RNF111: variants seen among roughly 807,000 people sequenced by gnomAD.
RNF111 encodes the protein E3 ubiquitin-protein ligase Arkadia.
RNF111 carries 17 observed loss-of-function variants against 95.1 expected under a neutral mutation model. The ratio of observed to expected loss-of-function variants is 0.18; its 90% CI spans 0.12 to 0.27. The LOEUF is 0.27. Among genes scored for constraint, RNF111 ranks in the 10% least tolerant of loss-of-function variants. RNF111 has a pLI of 1.00. For synonymous variants in RNF111, 440 were observed against 414.8 expected (o/e 1.06, Z -0.74); for missense variants, 1,189 against 1,210.4 (o/e 0.98, Z 0.26).
chr15:59,081,380 T>C, intron 8 of RNF111, 96 bp downstream of exon 8: 1 of 1,072,034 alleles, frequency 9.3e-7, no homozygotes, highest in Non-Finnish European at 1.3e-6. Flanking sequence ...CATGGTGGCA[T>C]GCACTTGTAG....
At chr15:58,988,353 T>A (rs2141326899) in intron 1 of RNF111, 1 of 152,332 alleles carries the variant, frequency 6.6e-6, no homozygotes, top group East Asian at 1.9e-4. Context: ...AGTCTCAGGA[T>A]GGGGGCTGAG....
rs1450722997 is a variant in RNF111, at chr15:59,051,375, G to A, written c.881-930G>A. Among the ~76,000 whole-genome samples the A allele has an allele frequency of 2.6e-5, 4 of 150,990 alleles. No homozygotes were observed. The East Asian group carries it at 7.8e-4, about 29-fold the overall frequency. On this transcript the variant is annotated intron_variant, in intron 2 of 13. Transcript: ENST00000348370. The stretch of plus-strand genomic sequence containing the variant: ...CGGGAGGCTGAGGCAGGAGAACAGT[G>A]TGAACCCAGGAGGCGGAGCTTGCAG...
intron 1 of RNF111, chr15:58,988,287 C>CTA (rs1391683141): frequency 6.6e-6 from 1 of 152,314 alleles, no homozygotes; most frequent in Non-Finnish European, 1.5e-5. Context: ...CACCCACAGC[C>CTA]TACAGTGAGG....
intron 13 of RNF111, among the ~76,000 whole-genome samples, 154 bp from the exon 14 acceptor site, chr15:59,094,629 G>C (rs1257443048): frequency 6.6e-6 from 1 of 152,022 alleles, no homozygotes; most frequent in Non-Finnish European, 1.5e-5. Context: ...ATATTATATT[G>C]CCCAGAGTGC....
rs76180487 is a variant in RNF111, at chr15:59,067,334, C to T, written c.1686+251C>T. Among the ~76,000 whole-genome samples, 11 of 150,666 alleles carry T rather than the reference C, an allele frequency of 7.3e-5. No homozygotes were observed. In the East Asian group the frequency reaches 2.0e-3, roughly 27 times the overall value. On this transcript the variant is annotated intron_variant, in intron 6 of 13. Coordinates refer to ENST00000348370, the MANE Select transcript of RNF111 (RefSeq NM_017610.8). ...TTCCCTTTCCTCTTCCCCTTCATTC[C>T]TTCCCTCTCCTTTCTCCTTTCCCTT... is the stretch of plus-strand genomic sequence containing the variant.
chr15:59,028,511 GTCTC>G (rs1348304785), intron 1 of RNF111, among the ~76,000 whole-genome samples: 9 of 152,254 alleles, frequency 5.9e-5, no homozygotes, highest in Admixed American at 2.0e-4. Context: ...TGTGAATGTG[GTCTC>G]TCTCTCATAG....
chr15:59,085,501 G>A, intron 9 of RNF111, 158 bp from the exon 10 acceptor site: 1 of 527,044 alleles, frequency 1.9e-6, no homozygotes, highest in Non-Finnish European at 2.8e-6. Context: ...AAATAAATTT[G>A]AAATTATTAG....
intron 5 of RNF111, among the ~76,000 whole-genome samples, chr15:59,065,163 G>T (rs1385492629): frequency 6.6e-6 from 1 of 152,082 alleles, no homozygotes. Flanking sequence ...AGATGCCTCA[G>T]AATCAGAGTA....
At chr15:59,007,029 G>C (rs1400253045) in intron 1 of RNF111, among the ~76,000 whole-genome samples, 1 of 152,110 alleles carries the variant, frequency 6.6e-6, no homozygotes, top group Non-Finnish European at 1.5e-5. Flanking sequence ...CTTGTGATCT[G>C]CCTGCCTCAG....
chr15:59,075,868 TG>T, intron 6 of RNF111, 85 bp from the exon 7 acceptor site: 1 of 1,378,108 alleles, frequency 7.3e-7, no homozygotes, highest in Non-Finnish European at 9.8e-7. Flanking sequence ...TATGTTTTTT[TG>T]GTTATATTAG....
intron 2 of RNF111, among the ~76,000 whole-genome samples, chr15:59,037,732 A>G (rs371938937): frequency 5.3e-5 from 8 of 152,292 alleles, no homozygotes; most frequent in East Asian, 1.9e-4. Flanking sequence ...GCTACTTGGG[A>G]GGCTGAGGCA....
chr15:59,048,523 T>C (rs772521694), intron 2 of RNF111, among the ~76,000 whole-genome samples: 16 of 152,164 alleles, frequency 1.1e-4, no homozygotes, highest in Non-Finnish European at 2.2e-4. Flanking sequence ...TTAAACTGGA[T>C]TGTGGTGATG....
intron 1 of RNF111, among the ~76,000 whole-genome samples, chr15:59,021,235 C>G (rs550808259): frequency 6.6e-6 from 1 of 152,280 alleles, no homozygotes; most frequent in Admixed American, 6.5e-5. Context: ...ACTGCAAACT[C>G]CGCCTCGTGA....
chr15:59,093,852 T>C (rs2079125444), intron 13 of RNF111, among the ~76,000 whole-genome samples: 1 of 152,206 alleles, frequency 6.6e-6, no homozygotes, highest in Non-Finnish European at 1.5e-5. Flanking sequence ...ACTGTATTTC[T>C]AATGAAGGTT....
At chr15:59,000,477 C>T (rs947818550) in intron 1 of RNF111, among the ~76,000 whole-genome samples, 5 of 151,972 alleles carry the variant, frequency 3.3e-5, no homozygotes, top group East Asian at 3.9e-4. Context: ...TTTGGGAGGC[C>T]GAGGCAGGCG....
At chr15:59,077,335 T>A (rs2078595065) in intron 7 of RNF111, among the ~76,000 whole-genome samples, 1 of 152,166 alleles carries the variant, frequency 6.6e-6, no homozygotes, top group African/African-American at 2.4e-5. Context: ...TAAATACATG[T>A]TTTAGATTCA....
chr15:59,060,989 A>G (rs1169700842), intron 5 of RNF111, among the ~76,000 whole-genome samples: 2 of 151,832 alleles, frequency 1.3e-5, no homozygotes, highest in African/African-American at 2.4e-5. Flanking sequence ...GGGTTTTGCC[A>G]TGTTGCCGTG....
chr15:59,069,643 C>T (rs1268925385), intron 6 of RNF111, among the ~76,000 whole-genome samples: 1 of 152,100 alleles, frequency 6.6e-6, no homozygotes, highest in African/African-American at 2.4e-5. Flanking sequence ...GGATCACAGG[C>T]ATTCAGTGGT....
intron 1 of RNF111, among the ~76,000 whole-genome samples, chr15:59,010,171 G>C (rs562905835): frequency 6.6e-6 from 1 of 151,966 alleles, no homozygotes; most frequent in Non-Finnish European, 1.5e-5. Context: ...ATTGTTTTAT[G>C]CTGCTAATTA....
Sources: gnomAD v4.1 joint callset for allele counts (sites outside exome capture counted in the v4.1 genomes callset) on GRCh38, gnomAD v4.1.1 for gene constraint, MANE v1.5 for transcripts, NCBI Gene and HGNC (gene_info 2026-07-23, HGNC 2026-07-21) for gene names.